SORCS2: variants seen among roughly 807,000 people sequenced by gnomAD.
SORCS2 encodes VPS10 domain-containing receptor SorCS2.
A neutral mutation model predicts 141.6 loss-of-function variants in SORCS2; 100 were observed. The ratio of observed to expected loss-of-function variants is 0.71; its 90% CI spans 0.60 to 0.83. The LOEUF is 0.83. SORCS2 is among the 40% of genes least tolerant of loss of function. The pLI, the probability that SORCS2 is intolerant of heterozygous loss-of-function variation, is 0.00. For missense variants in SORCS2, 1,646 were observed against 1,560.2 expected, an observed-to-expected ratio of 1.05 and a Z score of -0.93; for synonymous variants, 789 against 676.9, an observed-to-expected ratio of 1.17 and a Z score of -2.57.
At chr4:7,456,700 C>T (rs1221079375) in intron 2 of SORCS2, among the ~76,000 whole-genome samples, 2 of 152,168 alleles carry the variant, frequency 1.3e-5, no homozygotes, top group African/African-American at 2.4e-5. Flanking sequence ...CAGAGGAGAT[C>T]TGAACAGAGG....
chr4:7,450,395 G>C (rs566333942), intron 2 of SORCS2, among the ~76,000 whole-genome samples: 1 of 152,206 alleles, frequency 6.6e-6, no homozygotes, highest in Non-Finnish European at 1.5e-5. Flanking sequence ...TGGGCCCCCA[G>C]GTCCTCCAGA....
At chr4:7,310,662 C>G (rs748011807) in intron 1 of SORCS2, 1 of 153,580 alleles carries the variant, frequency 6.5e-6, no homozygotes, top group Non-Finnish European at 1.5e-5. Context: ...CACCCCAGGG[C>G]GGGGGCACAA....
At chr4:7,643,692 C>T (rs567930551) in intron 4 of SORCS2, among the ~76,000 whole-genome samples, 78 of 152,292 alleles carry the variant, frequency 5.1e-4, no homozygotes, top group Non-Finnish European at 9.7e-4. Context: ...CCCTCACAGT[C>T]CCCCAGCCTT....
At chr4:7,214,313 T>C (rs1360151271) in intron 1 of SORCS2, among the ~76,000 whole-genome samples, 1 of 152,174 alleles carries the variant, frequency 6.6e-6, no homozygotes, top group Non-Finnish European at 1.5e-5. Flanking sequence ...AGTGGGTTAG[T>C]TCTCATGGGA....
chr4:7,296,025 G>A (rs1717025106), intron 1 of SORCS2, among the ~76,000 whole-genome samples: 1 of 152,194 alleles, frequency 6.6e-6, no homozygotes, highest in Admixed American at 6.5e-5. Context: ...GGCTGCGTGT[G>A]TGGCTGGGGG....
At chr4:7,244,733 C>T (rs1268986397) in intron 1 of SORCS2, among the ~76,000 whole-genome samples, 1 of 152,224 alleles carries the variant, frequency 6.6e-6, no homozygotes, top group African/African-American at 2.4e-5. Flanking sequence ...CCTACCTCCC[C>T]CAACTCTTGT....
chr4:7,563,191 C>T (rs1714728814), intron 3 of SORCS2, among the ~76,000 whole-genome samples: 1 of 152,116 alleles, frequency 6.6e-6, no homozygotes, highest in Non-Finnish European at 1.5e-5. Context: ...AGGTCCCACA[C>T]CAGGCATGCC....
Position 7,623,953 on chromosome 4 carries a change from C to A in SORCS2, c.649-14375C>A, listed in dbSNP as rs534449545. 6.4e-3 allele frequency among the ~76,000 whole-genome samples: 978 copies of A among 152,304 alleles called. 11 individuals are homozygous for A. Among genetic ancestry groups the A allele is most frequent in the African/African-American group, 0.022 (904 of 41,566 alleles). On this transcript the variant is annotated intron_variant, in intron 3 of 26. Transcript: ENST00000507866. ...GCTGTCAGGGCTCTACCCCACCAAC[C>A]CCTAAGCCACTGGGTGGTGACTGCC...
intron 2 of SORCS2, among the ~76,000 whole-genome samples, chr4:7,460,823 C>G (rs569497149): frequency 6.6e-6 from 1 of 152,266 alleles, no homozygotes; most frequent in Admixed American, 6.5e-5. Context: ...CATCTGTGGC[C>G]GTGACCCTGC....
intron 9 of SORCS2, among the ~76,000 whole-genome samples, chr4:7,679,177 G>T (rs1723353137): frequency 6.6e-6 from 1 of 152,134 alleles, no homozygotes; most frequent in African/African-American, 2.4e-5. Flanking sequence ...GCCTCGGAAG[G>T]CTGCAGGGGT....
rs372434484 is a variant in SORCS2, at chr4:7,531,614, G to T, written c.633G>T (p.Pro211=). The T allele has an allele frequency of 9.9e-6, 16 of 1,613,554 alleles. No individual in the cohort carries two copies. The highest frequency in any genetic ancestry group is 3.3e-5 in the Admixed American group (2 of 59,988). ...TTVIDNFYIC[P]TNKRKVILVS... ...TCATCGACAATTTCTACATCTGCCC[G>T]ACCAACAAGAGGAAGGTAGGTGCTG... The change falls in exon 3 of 27, where the codon CCG becomes CCT. Residue 211 remains proline (P), a synonymous_variant. Coordinates refer to ENST00000507866, the MANE Select transcript of SORCS2 (RefSeq NM_020777.3).
intron 3 of SORCS2, among the ~76,000 whole-genome samples, chr4:7,599,548 C>T (rs1339147577): frequency 6.6e-6 from 1 of 152,214 alleles, no homozygotes; most frequent in Non-Finnish European, 1.5e-5. Flanking sequence ...GCTCCTGACA[C>T]CACGAACACC....
intron 2 of SORCS2, among the ~76,000 whole-genome samples, chr4:7,418,698 A>G (rs1209649274): frequency 1.1e-5 from 1 of 87,632 alleles, no homozygotes; most frequent in Non-Finnish European, 2.3e-5. Flanking sequence ...CTGCGTAACA[A>G]ATGACCCCCC....
chr4:7,676,213 T>G lies in SORCS2; in HGVS notation c.1325T>G (p.Leu442Arg). ...RSSRQAEESV[L>R]IDILEVRGVK... ...TCACGGCAGGCGGAGGAGAGCGTGC[T>G]CATCGACATCCTGGAGGTGGGTCCA... Residue 442 changes from leucine (L) to arginine (R), a missense_variant, in exon 9 of 27, where the codon CTC (leucine) becomes CGC (arginine). Leu to Arg is a moderately radical substitution (Grantham distance 102). Transcript: ENST00000507866. 4 of 1,551,090 alleles carry G rather than the reference T, an allele frequency of 2.6e-6. No homozygotes were observed. Among genetic ancestry groups the G allele is most frequent in the Non-Finnish European group, 3.5e-6 (4 of 1,147,090 alleles).
chr4:7,335,435 G>A (rs1404995271), intron 1 of SORCS2, among the ~76,000 whole-genome samples: 1 of 152,164 alleles, frequency 6.6e-6, no homozygotes, highest in African/African-American at 2.4e-5. Context: ...ATTCCTCCAG[G>A]CCCGACAGAC....
chr4:7,488,915 G>A (rs992024668), intron 2 of SORCS2, among the ~76,000 whole-genome samples: 1 of 152,226 alleles, frequency 6.6e-6, no homozygotes, highest in African/African-American at 2.4e-5. Context: ...TGTGCCATTT[G>A]ACAGGTCCGC....
At chr4:7,647,407 A>G (rs1721149661) in intron 4 of SORCS2, among the ~76,000 whole-genome samples, 1 of 152,188 alleles carries the variant, frequency 6.6e-6, no homozygotes, top group Non-Finnish European at 1.5e-5. Context: ...CCAGACAGCC[A>G]CACTCACAGC....
chr4:7,403,959 GTGTATATATATATATA>G (rs1560256417), intron 2 of SORCS2, among the ~76,000 whole-genome samples: 34 of 13,046 alleles, frequency 2.6e-3, no homozygotes, highest in South Asian at 0.017. Context: ...GCCTCCATGT[GTGTATATATATATATA>G]TATATATATA....
At chr4:7,595,570 C>G (rs1473931583) in intron 3 of SORCS2, among the ~76,000 whole-genome samples, 2 of 147,944 alleles carry the variant, frequency 1.4e-5, no homozygotes, top group Non-Finnish European at 3.0e-5. Flanking sequence ...ATACGAAAGA[C>G]GTTCTTGTCA....
Sources: allele counts gnomAD v4.1 joint callset (sites outside exome capture counted in the v4.1 genomes callset), GRCh38; gene constraint gnomAD v4.1.1; transcripts MANE v1.5; gene names NCBI Gene and HGNC (gene_info 2026-07-23, HGNC 2026-07-21).